Variants in DOCK3 observed in about 807,000 individuals in gnomAD.
DOCK3 encodes the protein dedicator of cytokinesis protein 3.
In DOCK3, 60 loss-of-function variants were observed where a neutral mutation model predicts 265.6. The observed-to-expected ratio is 0.23, with a 90% CI of 0.18 to 0.28. DOCK3 has a LOEUF of 0.28. Ranked by LOEUF, DOCK3 falls within the 10% of genes least tolerant of loss-of-function variation. The probability of loss-of-function intolerance (pLI) is 1.00; values close to 1 mark genes in which losing one functional copy is unlikely to be tolerated. For missense variants in DOCK3, 1,981 were observed against 2,594.3 expected (o/e 0.76, Z 5.14); for synonymous variants, 881 against 938.0 (o/e 0.94, Z 1.11).
At chr3:51,192,225 T>G (rs991609884) in intron 12 of DOCK3, among the ~76,000 whole-genome samples, 1 of 151,584 alleles carries the variant, frequency 6.6e-6, no homozygotes, top group Admixed American at 6.6e-5. Flanking sequence ...GTCTTATGTT[T>G]AAGTCTTTAA....
chr3:51,233,349 TCTATCTATCTA>T (rs1244838316), intron 19 of DOCK3, among the ~76,000 whole-genome samples: 415 of 36,604 alleles, frequency 0.011, 2 homozygotes, highest in Middle Eastern at 0.026. Context: ...TATCTATCTA[TCTATCTATCTA>T]TTTATTTATT....
In DOCK3 at chr3:50,773,515, AT is replaced by A. The variant is rs1206767895; in HGVS notation, c.38-5158del. The stretch of plus-strand genomic sequence containing the variant: ...GTTGTTAATTTACATGTTCTTGTTA[AT>A]TAGTGATGTGGATTAAGAAGACAGG... On this transcript the variant is annotated intron_variant, in intron 1 of 52. Transcript: ENST00000266037. Among the ~76,000 whole-genome samples the A allele has an allele frequency of 3.3e-5, 5 of 152,136 alleles. 1 individual carries two copies. The highest frequency in any genetic ancestry group is 7.4e-5 in the Non-Finnish European group (5 of 67,964).
intron 2 of DOCK3, among the ~76,000 whole-genome samples, chr3:50,782,290 T>TTTA (rs1491436421): frequency 5.7e-3 from 19 of 3,350 alleles, no homozygotes; most frequent in South Asian, 0.036. Flanking sequence ...GTACCTGTTA[T>TTTA]TTTTTTTTTT....
At chr3:51,084,837 A>G (rs2082363565) in intron 7 of DOCK3, among the ~76,000 whole-genome samples, 1 of 152,222 alleles carries the variant, frequency 6.6e-6, no homozygotes, top group Non-Finnish European at 1.5e-5. Flanking sequence ...GTTACTAACA[A>G]CCTTGAATAT....
At chr3:50,795,199 T>C (rs1342003936) in intron 2 of DOCK3, among the ~76,000 whole-genome samples, 1 of 152,166 alleles carries the variant, frequency 6.6e-6, no homozygotes, top group Non-Finnish European at 1.5e-5. Flanking sequence ...AATCTGATGA[T>C]TATATATCTT....
chr3:51,269,905 CAG>C lies in DOCK3; in HGVS notation c.2356-906_2356-905del, dbSNP rs199791795. Among the ~76,000 whole-genome samples the C allele has an allele frequency of 8.2e-3, 1,251 of 152,262 alleles. 16 individuals carry two copies. The highest frequency in any genetic ancestry group is 0.029 in the African/African-American group (1,186 of 41,562). On this transcript the variant is annotated intron_variant, in intron 23 of 52. Coordinates refer to ENST00000266037, the MANE Select transcript of DOCK3 (RefSeq NM_004947.5). Reference sequence around the variant, plus strand: ...CATCCCCATTTTATAGATGGGGAAACAGAGAATTAGGCAGTAACTTGCCAAAG... The same window carrying C: ...CATCCCCATTTTATAGATGGGGAAACAGAATTAGGCAGTAACTTGCCAAAG...
intron 49 of DOCK3, among the ~76,000 whole-genome samples, chr3:51,366,726 C>T (rs1309322614): frequency 6.6e-6 from 1 of 152,210 alleles, no homozygotes; most frequent in Non-Finnish European, 1.5e-5. Flanking sequence ...ATCTTTATTT[C>T]TGCCTTCATT....
At chr3:51,227,531 A>AT in intron 16 of DOCK3, 86 bp downstream of exon 16, 1 of 1,545,540 alleles carries the variant, frequency 6.5e-7, no homozygotes, top group Non-Finnish European at 8.8e-7. Flanking sequence ...GTGGATTCTT[A>AT]TTTGGGCAAG....
At chr3:51,027,675 C>T (rs1418480685) in intron 5 of DOCK3, among the ~76,000 whole-genome samples, 3 of 151,852 alleles carry the variant, frequency 2.0e-5, no homozygotes, top group African/African-American at 7.3e-5. Context: ...TGAATTTAAC[C>T]CTTTATCATT....
chr3:50,720,173 T>C (rs2037383652), intron 1 of DOCK3, among the ~76,000 whole-genome samples: 1 of 152,230 alleles, frequency 6.6e-6, no homozygotes, highest in Non-Finnish European at 1.5e-5. Context: ...GAGGTACATG[T>C]GCACATTTTT....
chr3:50,875,668 A>G (rs1415365764), intron 3 of DOCK3, among the ~76,000 whole-genome samples: 1 of 152,134 alleles, frequency 6.6e-6, no homozygotes, highest in African/African-American at 2.4e-5. Flanking sequence ...ATCACGATGA[A>G]TGATGTTTTT....
At chr3:51,230,896 C>A (rs755263753) in intron 19 of DOCK3, among the ~76,000 whole-genome samples, 2 of 151,554 alleles carry the variant, frequency 1.3e-5, no homozygotes, top group Non-Finnish European at 2.9e-5. Context: ...GTGAATAATA[C>A]CGTGATGAAC....
intron 5 of DOCK3, among the ~76,000 whole-genome samples, chr3:50,993,445 C>T (rs955813181): frequency 2.0e-5 from 3 of 152,152 alleles, no homozygotes; most frequent in African/African-American, 7.2e-5. Flanking sequence ...ATAAATAGCT[C>T]AGCCTGGAAT....
chr3:51,272,582 C>T (rs1399751544), intron 24 of DOCK3, among the ~76,000 whole-genome samples: 6 of 151,712 alleles, frequency 4.0e-5, no homozygotes, highest in South Asian at 2.1e-4. Context: ...ACACCGCGCC[C>T]GGCCAGGTTT....
intron 12 of DOCK3, among the ~76,000 whole-genome samples, chr3:51,170,158 A>G (rs1192461487): frequency 6.6e-6 from 1 of 152,234 alleles, no homozygotes; most frequent in Non-Finnish European, 1.5e-5. Context: ...ATCTGAAAAA[A>G]TTAAAAATCT....
In DOCK3 at chr3:51,372,319, TCTC is replaced by T. The variant is rs548922777; in HGVS notation, c.5294-2147_5294-2145del. On this transcript the variant is annotated intron_variant, in intron 49 of 52. Transcript: ENST00000266037. Reference sequence around the variant, plus strand: ...TTTTCATGAAAAGTAACCATCACCTTCTCCTACCATGGGATTGGCTGCCCAGGG... The same window carrying T: ...TTTTCATGAAAAGTAACCATCACCTTCTACCATGGGATTGGCTGCCCAGGG... 1.5e-3 allele frequency among the ~76,000 whole-genome samples: 230 copies of T among 152,262 alleles called. 1 individual carries two copies. In the Middle Eastern group the frequency reaches 0.027, roughly 18 times the overall value.
intron 1 of DOCK3, among the ~76,000 whole-genome samples, chr3:50,722,266 G>C (rs2037522739): frequency 6.6e-6 from 1 of 152,162 alleles, no homozygotes; most frequent in Non-Finnish European, 1.5e-5. Flanking sequence ...GCTGGCAGCT[G>C]GCTGTGTAAA....
At chr3:50,825,887 A>G (rs983863104) in intron 2 of DOCK3, among the ~76,000 whole-genome samples, 4 of 151,980 alleles carry the variant, frequency 2.6e-5, no homozygotes, top group African/African-American at 7.3e-5. Context: ...AGCTGAATCT[A>G]TGTTAGTCAC....
At chr3:50,863,312 G>T in intron 3 of DOCK3, 1 of 476,968 alleles carries the variant, frequency 2.1e-6, no homozygotes, top group Non-Finnish European at 4.1e-6. Flanking sequence ...GTCTGTCTCA[G>T]TTCAGGTCTG....
Sources: allele counts gnomAD v4.1 joint callset (sites outside exome capture counted in the v4.1 genomes callset), GRCh38; gene constraint gnomAD v4.1.1; transcripts MANE v1.5; gene names NCBI Gene and HGNC (gene_info 2026-07-23, HGNC 2026-07-21).